The following TENM4 variants were observed in gnomAD, a reference collection of about 807,000 sequenced individuals.
TENM4 encodes teneurin-4.
In TENM4, 82 loss-of-function variants were observed where a neutral mutation model predicts 243.3. That is an observed-to-expected ratio of 0.34 (90% CI 0.28 to 0.40). The LOEUF (loss-of-function observed/expected upper bound fraction) is 0.40. Among genes scored for constraint, TENM4 ranks in the 10% least tolerant of loss-of-function variants. The pLI, the probability that TENM4 is intolerant of heterozygous loss-of-function variation, is 1.00. For missense variants in TENM4, 3,138 were observed against 3,673.3 expected (o/e 0.85, Z 3.77); for synonymous variants, 1,412 against 1,456.3 (o/e 0.97, Z 0.69).
At chr11:78,970,255 C>T (rs1227136040) in intron 6 of TENM4, among the ~76,000 whole-genome samples, 1 of 152,090 alleles carries the variant, frequency 6.6e-6, no homozygotes, top group South Asian at 2.1e-4. Context: ...TATTGCTCAC[C>T]TATGTGTTCT....
intron 27 of TENM4, among the ~76,000 whole-genome samples, chr11:78,703,017 CCT>C (rs1471687961): frequency 6.6e-6 from 1 of 152,214 alleles, no homozygotes; most frequent in African/African-American, 2.4e-5. Context: ...CTAACCATGG[CCT>C]CTGTCTGTCA....
At chr11:78,966,564 G>T (rs1857441296) in intron 6 of TENM4, among the ~76,000 whole-genome samples, 1 of 152,150 alleles carries the variant, frequency 6.6e-6, no homozygotes, top group African/African-American at 2.4e-5. Flanking sequence ...GTCTCAGCAG[G>T]GCAGAGGTAG....
chr11:78,898,696 C>T (rs1314688715), intron 7 of TENM4, among the ~76,000 whole-genome samples: 1 of 152,196 alleles, frequency 6.6e-6, no homozygotes, highest in Admixed American at 6.5e-5. Flanking sequence ...ATTTATTTCA[C>T]CTGTGTTAAT....
intron 33 of TENM4, among the ~76,000 whole-genome samples, chr11:78,659,026 A>G (rs922213726): frequency 2.1e-4 from 32 of 152,160 alleles, no homozygotes; most frequent in Admixed American, 3.3e-4. Context: ...CCACCCTTCC[A>G]TTTAGAAACT....
chr11:79,137,326 C>CG, intron 4 of TENM4, among the ~76,000 whole-genome samples: 1 of 152,168 alleles, frequency 6.6e-6, no homozygotes, highest in African/African-American at 2.4e-5. Context: ...TACTCCACAA[C>CG]GGAGGTAAGG....
chr11:79,277,997 A>G (rs544662376), intron 2 of TENM4, among the ~76,000 whole-genome samples: 1 of 152,214 alleles, frequency 6.6e-6, no homozygotes, highest in Non-Finnish European at 1.5e-5. Flanking sequence ...TACAAAGTGC[A>G]AAAGAACAAA....
chr11:79,154,474 T>A (rs1862565586), intron 3 of TENM4, among the ~76,000 whole-genome samples: 1 of 152,100 alleles, frequency 6.6e-6, no homozygotes, highest in Non-Finnish European at 1.5e-5. Flanking sequence ...AACATGAGAT[T>A]TGGAGGGAAC....
rs545878477 is a variant in TENM4 at position 78,676,038 on chromosome 11, C to T, written c.5496+114G>A. ...CACATGGTTCCCTGATTTAGTTCTC[C>T]CCTTTTGCAGATGAGTGAACTGAGG... On this transcript the variant is annotated intron_variant, in intron 30 of 33. Coordinates refer to ENST00000278550, the MANE Select transcript of TENM4 (RefSeq NM_001098816.3). The T allele has an allele frequency of 3.1e-4, 317 of 1,021,418 alleles. 1 individual carries two copies. In the Middle Eastern group the frequency reaches 3.7e-3, roughly 12 times the overall value. The allele number at this position is 1,021,418 out of a possible 1,614,324, so 63.3% of individuals were successfully genotyped here. A position where few individuals can be genotyped will look rare whatever the true frequency, so the allele number is the denominator to read the frequency against.
intron 2 of TENM4, among the ~76,000 whole-genome samples, chr11:79,293,930 G>A (rs1856400249): frequency 6.6e-6 from 1 of 152,218 alleles, no homozygotes; most frequent in African/African-American, 2.4e-5. Flanking sequence ...TAGGCAGAAA[G>A]AGGTTCTGAG....
At chr11:79,052,322 G>T (rs946137564) in intron 6 of TENM4, among the ~76,000 whole-genome samples, 1 of 152,210 alleles carries the variant, frequency 6.6e-6, no homozygotes, top group South Asian at 2.1e-4. Flanking sequence ...ATTCTGACTG[G>T]TGAGAGATGA....
chr11:79,053,063 C>T (rs1011795744), intron 6 of TENM4, among the ~76,000 whole-genome samples: 1 of 152,178 alleles, frequency 6.6e-6, no homozygotes, highest in Non-Finnish European at 1.5e-5. Flanking sequence ...CTAGGAAACT[C>T]AGACTAAATC....
intron 3 of TENM4, among the ~76,000 whole-genome samples, chr11:79,164,987 G>C (rs917111963): frequency 2.0e-5 from 3 of 150,372 alleles, no homozygotes; most frequent in African/African-American, 7.5e-5. Context: ...GTGTGTGTGT[G>C]TGTGTGTGTA....
intron 6 of TENM4, among the ~76,000 whole-genome samples, chr11:79,038,065 T>C (rs1859431918): frequency 6.6e-6 from 1 of 152,176 alleles, no homozygotes; most frequent in South Asian, 2.1e-4. Context: ...TCCTGCAAAG[T>C]CAAAGCTGGA....
chr11:78,876,968 C>T (rs888221406), intron 9 of TENM4, among the ~76,000 whole-genome samples: 1 of 152,158 alleles, frequency 6.6e-6, no homozygotes, highest in African/African-American at 2.4e-5. Flanking sequence ...TGGACTGGGC[C>T]CTTTGCAGAT....
intron 7 of TENM4, among the ~76,000 whole-genome samples, chr11:78,895,354 A>G (rs1484585062): frequency 6.6e-6 from 1 of 152,124 alleles, no homozygotes; most frequent in Admixed American, 6.5e-5. Flanking sequence ...AAAAAAAAGA[A>G]AAAACGAAAT....
intron 6 of TENM4, among the ~76,000 whole-genome samples, chr11:78,968,909 A>C (rs572113414): frequency 5.3e-4 from 80 of 152,230 alleles, no homozygotes; most frequent in Admixed American, 2.7e-3. Context: ...TAAAGCAGAA[A>C]GACCATGAAC....
At chr11:79,135,800 T>A (rs1862099682) in intron 4 of TENM4, among the ~76,000 whole-genome samples, 1 of 148,176 alleles carries the variant, frequency 6.7e-6, no homozygotes, top group Non-Finnish European at 1.5e-5. Context: ...TCATTATATA[T>A]GTATGATATA....
intron 1 of TENM4, among the ~76,000 whole-genome samples, chr11:79,339,226 A>G (rs1421994571): frequency 6.6e-6 from 1 of 152,222 alleles, no homozygotes; most frequent in African/African-American, 2.4e-5. Context: ...GGCAGATGAC[A>G]CAAGTGCAGA....
intron 17 of TENM4, among the ~76,000 whole-genome samples, chr11:78,774,453 G>A (rs1403979793): frequency 1.3e-5 from 2 of 152,212 alleles, no homozygotes; most frequent in South Asian, 2.1e-4. Flanking sequence ...GCGAGTCCCA[G>A]TGCAGGCCAC....
Sources: allele counts gnomAD v4.1 joint callset (sites outside exome capture counted in the v4.1 genomes callset), GRCh38; gene constraint gnomAD v4.1.1; transcripts MANE v1.5; gene names NCBI Gene and HGNC (gene_info 2026-07-23, HGNC 2026-07-21).